The following SKIC3 variants were observed in gnomAD, a reference collection of about 807,000 sequenced individuals.
SKIC3 encodes the protein superkiller complex protein 3.
chr5:95,491,027 G>A, the SKIC3 span: 3 of 1,613,874 alleles, frequency 1.9e-6, no homozygotes, highest in Non-Finnish European at 2.5e-6. Flanking sequence ...AGCCCAGATA[G>A]CAGGATCACC....
At chr5:95,516,614 GAA>G in the SKIC3 span, 1 of 1,613,100 alleles carries the variant, frequency 6.2e-7, no homozygotes, top group Non-Finnish European at 8.5e-7. Context: ...TGATGAAACT[GAA>G]CTTTGTTTGA....
the SKIC3 span, chr5:95,506,972 A>C: frequency 6.2e-7 from 1 of 1,613,504 alleles, no homozygotes; most frequent in South Asian, 1.1e-5. Context: ...CAACATTGTA[A>C]GTATCTTGGT....
the SKIC3 span, chr5:95,494,872 A>T: frequency 1.9e-6 from 3 of 1,590,386 alleles, no homozygotes; most frequent in Non-Finnish European, 2.6e-6. Context: ...TCTATTTGAT[A>T]TGACATAATC....
At chr5:95,517,129 C>A in the SKIC3 span, 4 of 1,613,238 alleles carry the variant, frequency 2.5e-6, no homozygotes, top group African/African-American at 4.0e-5. Flanking sequence ...TATTAACTGG[C>A]AATCTTTGCA....
chr5:95,547,708 T>C, the SKIC3 span, among the ~76,000 whole-genome samples: 29 of 152,200 alleles, frequency 1.9e-4, no homozygotes, highest in African/African-American at 7.0e-4. Context: ...TCAAAACACA[T>C]ACCAATCTCA....
At chr5:95,482,031 A>G in the SKIC3 span, among the ~76,000 whole-genome samples, 10 of 152,214 alleles carry the variant, frequency 6.6e-5, no homozygotes, top group African/African-American at 2.4e-4. Flanking sequence ...CACCTGAAAG[A>G]GCAGATGATC....
the SKIC3 span, chr5:95,524,345 T>A: frequency 7.1e-7 from 1 of 1,408,486 alleles, no homozygotes. Context: ...ACCTGACATA[T>A]GAAAGATAAA....
chr5:95,492,414 A>T, the SKIC3 span, among the ~76,000 whole-genome samples: 1 of 151,752 alleles, frequency 6.6e-6, no homozygotes, highest in Non-Finnish European at 1.5e-5. Context: ...AGGCGGGCGG[A>T]TCACGAGGTC....
chr5:95,487,234 C>T, the SKIC3 span, among the ~76,000 whole-genome samples: 1 of 152,166 alleles, frequency 6.6e-6, no homozygotes, highest in Non-Finnish European at 1.5e-5. Flanking sequence ...TCTCCTTGCT[C>T]CTCAGCTTGC....
chr5:95,512,889 C>G, the SKIC3 span: 1 of 398,388 alleles, frequency 2.5e-6, no homozygotes, highest in African/African-American at 2.1e-5. Context: ...CTTTCCCTTC[C>G]TCAGCACCAT....
chr5:95,512,578 G>A, the SKIC3 span: 1 of 1,613,948 alleles, frequency 6.2e-7, no homozygotes, highest in Non-Finnish European at 8.5e-7. Context: ...ATCTTGCAAT[G>A]TTGTGCAGAC....
At chr5:95,543,593 G>A in the SKIC3 span, among the ~76,000 whole-genome samples, 18 of 152,224 alleles carry the variant, frequency 1.2e-4, no homozygotes, top group Non-Finnish European at 7.4e-5. Context: ...GCCTCCCCAT[G>A]CTCTTTGAGA....
the SKIC3 span, chr5:95,478,544 T>C: frequency 1.3e-6 from 2 of 1,507,532 alleles, no homozygotes; most frequent in South Asian, 2.3e-5. Flanking sequence ...GTAGTAAAAA[T>C]GTTTTTAGTT....
chr5:95,548,903 A>G, the SKIC3 span, among the ~76,000 whole-genome samples: 5 of 152,204 alleles, frequency 3.3e-5, no homozygotes, highest in Middle Eastern at 3.4e-3. Flanking sequence ...CATCTCTTCT[A>G]TCACCCAACA....
the SKIC3 span, among the ~76,000 whole-genome samples, chr5:95,470,140 G>T: frequency 2.6e-4 from 40 of 151,848 alleles, no homozygotes; most frequent in African/African-American, 9.2e-4. Context: ...ACCACACCCG[G>T]CTAATTTTTT....
chr5:95,468,978 G>A, the SKIC3 span, among the ~76,000 whole-genome samples: 1 of 152,128 alleles, frequency 6.6e-6, no homozygotes, highest in Non-Finnish European at 1.5e-5. Context: ...AAATAGTGCT[G>A]GAGTTGCTAA....
the SKIC3 span, chr5:95,541,445 G>A: frequency 6.7e-7 from 1 of 1,496,960 alleles, no homozygotes; most frequent in Non-Finnish European, 9.3e-7. Flanking sequence ...AAATAACCAA[G>A]GACTTAAAAC....
At chr5:95,466,140 T>C in the SKIC3 span, among the ~76,000 whole-genome samples, 1 of 152,204 alleles carries the variant, frequency 6.6e-6, no homozygotes, top group African/African-American at 2.4e-5. Context: ...AATTGTTGGC[T>C]AAAGCTATGA....
At chr5:95,481,315 T>G in the SKIC3 span, among the ~76,000 whole-genome samples, 14 of 152,168 alleles carry the variant, frequency 9.2e-5, no homozygotes, top group African/African-American at 3.1e-4. Context: ...TCTCACAAGA[T>G]CTGATAGTTT....
Sources: allele counts gnomAD v4.1 joint callset (sites outside exome capture counted in the v4.1 genomes callset), GRCh38; gene constraint gnomAD v4.1.1; transcripts MANE v1.5; gene names NCBI Gene and HGNC (gene_info 2026-07-23, HGNC 2026-07-21).